The following ATP6V1C1 variants were observed in gnomAD, a reference collection of about 807,000 sequenced individuals.
ATP6V1C1 encodes V-type proton ATPase subunit C 1.
A neutral mutation model predicts 53.9 loss-of-function variants in ATP6V1C1; 45 were observed. The ratio of observed to expected loss-of-function variants is 0.83; its 90% confidence interval spans 0.66 to 1.07. The LOEUF is 1.07. Among genes scored for constraint, ATP6V1C1 ranks in the 50% least tolerant of loss-of-function variants. The pLI is 0.00. For synonymous variants in ATP6V1C1, 153 were observed against 155.2 expected (o/e 0.99, Z 0.11); for missense variants, 315 against 440.3 (o/e 0.72, Z 2.55).
rs758950485 is a variant in ATP6V1C1 at position 103,066,465 on chromosome 8, C to T, written c.1053+18C>T. 6.5e-6 allele frequency: 10 copies of T among 1,529,514 alleles called. No individual in the cohort carries two copies. The highest frequency in any genetic ancestry group is 8.8e-6 in the Non-Finnish European group (10 of 1,142,238). 94.7% of individuals were successfully genotyped at this position (1,529,514 alleles called of 1,614,324 possible). A position where few individuals can be genotyped will look rare whatever the true frequency, so the allele number is the denominator to read the frequency against. ...TTATTGATGTAAGTACTTATTAGCCCAGTAGAGTAAGAATTGAAGTGAATT... is the reference window on the plus strand; with the variant it reads ...TTATTGATGTAAGTACTTATTAGCCTAGTAGAGTAAGAATTGAAGTGAATT... On this transcript the variant is annotated intron_variant, in intron 12 of 12. Coordinates refer to ENST00000518738, the MANE Select transcript of ATP6V1C1 (RefSeq NM_001695.5).
intron 3 of ATP6V1C1, among the ~76,000 whole-genome samples, chr8:103,043,627 G>A (rs1023903399): frequency 7.9e-5 from 12 of 152,032 alleles, no homozygotes; most frequent in South Asian, 4.2e-4. Flanking sequence ...CACCGCGCCC[G>A]GCTGATAATA....
At position 103,069,115 on chromosome 8, in the gene ATP6V1C1, A is replaced by G. The variant is rs904499210; in HGVS notation, c.*368A>G. The G allele has an allele frequency of 6.5e-6, 1 of 154,506 alleles. No individual in the cohort carries two copies. The allele number at this position is 154,506 out of a possible 1,614,324, so 9.6% of individuals were successfully genotyped here. A position where few individuals can be genotyped will look rare whatever the true frequency, so the allele number is the denominator to read the frequency against. ...ACAGGGGAATGGTGTAAACATTTATACTGTTTTGTTCACTGTATTTAGTAG... is the reference window on the plus strand; with the variant it reads ...ACAGGGGAATGGTGTAAACATTTATGCTGTTTTGTTCACTGTATTTAGTAG... On this transcript the variant is annotated 3_prime_UTR_variant, in exon 13 of 13. Transcript: ENST00000518738.
At chr8:103,054,112 C>A in intron 7 of ATP6V1C1, 130 bp downstream of exon 7, 1 of 627,320 alleles carries the variant, frequency 1.6e-6, no homozygotes, top group Non-Finnish European at 2.6e-6. Context: ...TTCATTCTGT[C>A]ATCAACATTT....
chr8:103,029,978 C>T (rs998796813), intron 1 of ATP6V1C1, among the ~76,000 whole-genome samples: 1 of 152,278 alleles, frequency 6.6e-6, no homozygotes, highest in East Asian at 1.9e-4. Context: ...AAGTGATCCA[C>T]CTGTCTTGGC....
chr8:103,032,021 AAAAAC>A lies in ATP6V1C1; in HGVS notation c.-39-8772_-39-8768del, dbSNP rs746020010. The stretch of plus-strand genomic sequence containing the variant: ...TATTGTAAAAAAAAAACAAAAAACA[AAAAAC>A]AAAAAAAACCCAAAAACTGATAAAT... On this transcript the variant is annotated intron_variant, in intron 1 of 12. Coordinates refer to ENST00000518738, the MANE Select transcript of ATP6V1C1 (RefSeq NM_001695.5). Among the ~76,000 whole-genome samples the A allele has an allele frequency of 2.0e-4, 31 of 151,492 alleles. 1 individual carries two copies. Among genetic ancestry groups the A allele is most frequent in the Middle Eastern group, 3.4e-3 (1 of 294 alleles).
chr8:103,042,797 T>C (rs1406747298), intron 3 of ATP6V1C1, among the ~76,000 whole-genome samples: 1 of 152,214 alleles, frequency 6.6e-6, no homozygotes, highest in Non-Finnish European at 1.5e-5. Context: ...CACAAATTGT[T>C]CTGCCACTAT....
chr8:103,042,235 T>C, intron 2 of ATP6V1C1, 105 bp from the exon 3 acceptor site: 1 of 1,089,570 alleles, frequency 9.2e-7, no homozygotes, highest in Non-Finnish European at 1.4e-6. Context: ...TGAAATAAAA[T>C]AGGGAGAATT....
intron 11 of ATP6V1C1, 23 bp from the exon 12 acceptor site, chr8:103,066,298 C>T: frequency 6.3e-7 from 1 of 1,593,966 alleles, no homozygotes; most frequent in Non-Finnish European, 8.5e-7. Context: ...GTATTGCGTA[C>T]TGTATTTCTG....
At chr8:103,049,625 A>C (rs1817165384) in intron 4 of ATP6V1C1, among the ~76,000 whole-genome samples, 2 of 152,112 alleles carry the variant, frequency 1.3e-5, no homozygotes, top group African/African-American at 4.8e-5. Flanking sequence ...GCCCATCTCT[A>C]GTGATACGTT....
chr8:103,029,886 C>T (rs1271407449), intron 1 of ATP6V1C1, among the ~76,000 whole-genome samples: 3 of 152,206 alleles, frequency 2.0e-5, no homozygotes, highest in African/African-American at 4.8e-5. Flanking sequence ...GCATGCACCA[C>T]CATGCCCAGC....
intron 1 of ATP6V1C1, among the ~76,000 whole-genome samples, chr8:103,035,703 A>G (rs1816883387): frequency 6.6e-6 from 1 of 152,120 alleles, no homozygotes; most frequent in Non-Finnish European, 1.5e-5. Context: ...GGGTGAAAAG[A>G]TGTGTCGTGT....
chr8:103,037,062 T>TA (rs3840702), intron 1 of ATP6V1C1, among the ~76,000 whole-genome samples: 39,480 of 152,058 alleles, frequency 0.26, 5,935 homozygotes, highest in Admixed American at 0.39. Flanking sequence ...CAGTTTGTGC[T>TA]AAAAAAGCTA....
intron 1 of ATP6V1C1, among the ~76,000 whole-genome samples, chr8:103,037,096 A>G (rs1198522099): frequency 6.6e-6 from 1 of 152,212 alleles, no homozygotes; most frequent in African/African-American, 2.4e-5. Flanking sequence ...CGAGAGTATT[A>G]ACTGGAAGCA....
At chr8:103,029,907 A>G (rs537988729) in intron 1 of ATP6V1C1, among the ~76,000 whole-genome samples, 1 of 151,748 alleles carries the variant, frequency 6.6e-6, no homozygotes, top group East Asian at 2.0e-4. Context: ...TGATTTTTGT[A>G]TTTTTAGTAG....
At chr8:103,032,068 T>G (rs1204515346) in intron 1 of ATP6V1C1, among the ~76,000 whole-genome samples, 1 of 151,952 alleles carries the variant, frequency 6.6e-6, no homozygotes, top group Non-Finnish European at 1.5e-5. Flanking sequence ...TTGGCAGAAT[T>G]GCAAACTTCT....
At chr8:103,055,119 T>C (rs1190828756) in intron 7 of ATP6V1C1, among the ~76,000 whole-genome samples, 1 of 152,158 alleles carries the variant, frequency 6.6e-6, no homozygotes, top group Non-Finnish European at 1.5e-5. Context: ...ACAAATTCTG[T>C]GTATCTGTGC....
intron 1 of ATP6V1C1, among the ~76,000 whole-genome samples, chr8:103,027,166 C>G (rs983113859): frequency 2.0e-5 from 3 of 152,218 alleles, no homozygotes; most frequent in Admixed American, 6.5e-5. Context: ...TGATATTTCA[C>G]TGATAGCTGA....
chr8:103,067,598 C>CTTTTTTTT (rs764474136), intron 12 of ATP6V1C1, among the ~76,000 whole-genome samples: 9 of 114,972 alleles, frequency 7.8e-5, no homozygotes, highest in Non-Finnish European at 1.1e-4. Context: ...TTTTCTTTTT[C>CTTTTTTTT]TTTTTTTTTT....
At chr8:103,059,974 CTT>C (rs538649832) in intron 8 of ATP6V1C1, among the ~76,000 whole-genome samples, 25 of 140,686 alleles carry the variant, frequency 1.8e-4, no homozygotes, top group Non-Finnish European at 2.5e-4. Context: ...TTCTTTCTTT[CTT>C]TTTTTTTTTT....
Sources: gnomAD v4.1 joint callset for allele counts (sites outside exome capture counted in the v4.1 genomes callset) on GRCh38, gnomAD v4.1.1 for gene constraint, MANE v1.5 for transcripts, NCBI Gene and HGNC (gene_info 2026-07-23, HGNC 2026-07-21) for gene names.